LIN7A: variants seen among roughly 807,000 people sequenced by gnomAD.
LIN7A encodes protein lin-7 homolog A.
Under a neutral mutation model 29.8 loss-of-function variants are expected in LIN7A, and 25 were observed. The ratio of observed to expected loss-of-function variants is 0.84; its 90% CI spans 0.61 to 1.17. LIN7A has a LOEUF of 1.17. LIN7A is among the 50% of genes most tolerant of loss of function. The pLI is 0.00. For synonymous variants in LIN7A, 118 were observed against 107.5 expected (o/e 1.10, Z -0.60); for missense variants, 239 against 287.0 (o/e 0.83, Z 1.21).
chr12:80,875,616 G>A (rs1289685767), intron 2 of LIN7A, among the ~76,000 whole-genome samples: 1 of 152,180 alleles, frequency 6.6e-6, no homozygotes, highest in African/African-American at 2.4e-5. Context: ...CGATTTCTAT[G>A]AGCTCAGAGT....
chr12:80,872,532 T>A (rs760922392), intron 2 of LIN7A, among the ~76,000 whole-genome samples: 23 of 152,202 alleles, frequency 1.5e-4, no homozygotes, highest in Non-Finnish European at 2.9e-4. Context: ...CATTTATTAT[T>A]GAGAAGTTCT....
At chr12:80,851,671 G>C (rs11114637) in intron 2 of LIN7A, among the ~76,000 whole-genome samples, 16,352 of 152,178 alleles carry the variant, frequency 0.11, 980 homozygotes, top group Middle Eastern at 0.21. Context: ...GAAAATAGTT[G>C]TATGTGCTTT....
intron 5 of LIN7A, among the ~76,000 whole-genome samples, chr12:80,804,123 T>C (rs1870857021): frequency 6.6e-6 from 1 of 152,142 alleles, no homozygotes; most frequent in African/African-American, 2.4e-5. Flanking sequence ...ATTTATGGGG[T>C]CCATGAGATG....
chr12:80,914,327 C>T (rs1876921690), intron 1 of LIN7A, among the ~76,000 whole-genome samples: 1 of 152,124 alleles, frequency 6.6e-6, no homozygotes, highest in African/African-American at 2.4e-5. Flanking sequence ...TTGTTTAACC[C>T]AGTGTTTGGG....
chr12:80,889,445 T>C, intron 1 of LIN7A, 76 bp from the exon 2 acceptor site: 1 of 896,468 alleles, frequency 1.1e-6, no homozygotes, highest in South Asian at 1.5e-5. Context: ...ATTATTCCAG[T>C]TGGATGATGA....
rs542309688 is a variant in LIN7A, at chr12:80,797,372, T to C, written c.*355A>G. 4.6e-5 allele frequency: 7 copies of C among 152,734 alleles called. No individual in the cohort carries two copies. The highest frequency in any genetic ancestry group is 1.0e-4 in the Non-Finnish European group (7 of 68,026). The allele number at this position is 152,734 out of a possible 1,614,324, so 9.5% of individuals were successfully genotyped here. On this transcript the variant is annotated 3_prime_UTR_variant, in exon 6 of 6. Transcript: ENST00000552864. ...GGTTTGCTAATATCTGGAAAAGCTATGGACCCAAGATTCACTCAATCTTGG... is the reference window on the plus strand; with the variant it reads ...GGTTTGCTAATATCTGGAAAAGCTACGGACCCAAGATTCACTCAATCTTGG...
At chr12:80,814,798 C>T (rs575427185) in intron 4 of LIN7A, among the ~76,000 whole-genome samples, 1 of 152,250 alleles carries the variant, frequency 6.6e-6, no homozygotes, top group East Asian at 1.9e-4. Context: ...TGCCTTCATG[C>T]TTTATCTTCA....
chr12:80,919,651 G>A, intron 1 of LIN7A, among the ~76,000 whole-genome samples: 1 of 152,180 alleles, frequency 6.6e-6, no homozygotes, highest in Admixed American at 6.5e-5. Flanking sequence ...GAGAGGGCAG[G>A]AAACAGTCCT....
At chr12:80,865,954 C>T (rs1186996739) in intron 2 of LIN7A, among the ~76,000 whole-genome samples, 3 of 152,006 alleles carry the variant, frequency 2.0e-5, no homozygotes, top group Admixed American at 6.6e-5. Context: ...AATTATAATT[C>T]GTGGGTCAGA....
intron 2 of LIN7A, among the ~76,000 whole-genome samples, chr12:80,859,842 C>A (rs1873776868): frequency 6.6e-6 from 1 of 152,116 alleles, no homozygotes; most frequent in African/African-American, 2.4e-5. Flanking sequence ...TATTAACAAT[C>A]TATCATACTT....
At chr12:80,907,430 T>C (rs1163687) in intron 1 of LIN7A, among the ~76,000 whole-genome samples, 1 of 152,038 alleles carries the variant, frequency 6.6e-6, no homozygotes, top group Non-Finnish European at 1.5e-5. Flanking sequence ...AAAATGCATT[T>C]TAACATTAAG....
At chr12:80,826,027 C>T (rs1030988623) in intron 4 of LIN7A, among the ~76,000 whole-genome samples, 1 of 152,070 alleles carries the variant, frequency 6.6e-6, no homozygotes, top group African/African-American at 2.4e-5. Context: ...TGATGTGTAC[C>T]ATGAATAATA....
chr12:80,820,153 C>G (rs1871728037), intron 4 of LIN7A, among the ~76,000 whole-genome samples: 1 of 152,050 alleles, frequency 6.6e-6, no homozygotes, highest in South Asian at 2.1e-4. Flanking sequence ...CAATGTCGCG[C>G]TCTGTTAGGT....
intron 2 of LIN7A, among the ~76,000 whole-genome samples, chr12:80,850,165 T>C (rs1873260605): frequency 6.6e-6 from 1 of 152,130 alleles, no homozygotes; most frequent in African/African-American, 2.4e-5. Context: ...GGAGCAATAC[T>C]GTGTAGTAGA....
chr12:80,828,279 C>T (rs1192117693), intron 4 of LIN7A, among the ~76,000 whole-genome samples: 2 of 151,986 alleles, frequency 1.3e-5, no homozygotes, highest in Non-Finnish European at 2.9e-5. Context: ...TTCATTCAAG[C>T]AGTACTCAAA....
At chr12:80,835,291 T>G (rs1045738073) in intron 4 of LIN7A, among the ~76,000 whole-genome samples, 9 of 152,178 alleles carry the variant, frequency 5.9e-5, no homozygotes, top group African/African-American at 1.4e-4. Flanking sequence ...GAAGCATAAG[T>G]CTTATCTTTT....
intron 2 of LIN7A, among the ~76,000 whole-genome samples, chr12:80,872,544 T>C (rs1210691465): frequency 5.3e-5 from 8 of 152,226 alleles, no homozygotes; most frequent in African/African-American, 1.9e-4. Flanking sequence ...AGAAGTTCTG[T>C]TGAGCTATTA....
intron 2 of LIN7A, among the ~76,000 whole-genome samples, chr12:80,883,197 T>C (rs73144909): frequency 0.084 from 12,842 of 152,126 alleles, 749 homozygotes; most frequent in Middle Eastern, 0.2. Flanking sequence ...TCTCCTATTA[T>C]CCTTATTTTA....
intron 1 of LIN7A, among the ~76,000 whole-genome samples, chr12:80,912,969 GT>G (rs1876842516): frequency 6.6e-6 from 1 of 152,058 alleles, no homozygotes; most frequent in Non-Finnish European, 1.5e-5. Flanking sequence ...AGAATTTATT[GT>G]TTTTATTTGC....
Sources: allele counts gnomAD v4.1 joint callset (sites outside exome capture counted in the v4.1 genomes callset), GRCh38; gene constraint gnomAD v4.1.1; transcripts MANE v1.5; gene names NCBI Gene and HGNC (gene_info 2026-07-23, HGNC 2026-07-21).